Variants in COL1A2 observed in about 807,000 individuals in gnomAD.
The protein encoded by COL1A2 is collagen type I alpha 2 chain, also known as collagen alpha-2(I) chain.
In COL1A2, 49 loss-of-function variants were observed where a neutral mutation model predicts 174.3. The observed-to-expected ratio is 0.28, with a 90% CI of 0.22 to 0.36. The LOEUF (loss-of-function observed/expected upper bound fraction) is 0.36. COL1A2 is among the 10% of genes least tolerant of loss of function. COL1A2 has a pLI of 1.00. For synonymous variants in COL1A2, 655 were observed against 606.6 expected, an observed-to-expected ratio of 1.08 and a Z score of -1.17; for missense variants, 1,438 against 1,822.7, an observed-to-expected ratio of 0.79 and a Z score of 3.84.
rs544318460 is a variant in COL1A2, at chr7:94,421,705, G to A, written c.2350-194G>A. On this transcript the variant is annotated intron_variant, in intron 38 of 51. Transcript: ENST00000297268. ...GGGCATTGCAACTGGTAATATGCTGGTAAGGAAGATGTGTGGAGAAGGAGG... is the reference window on the plus strand; with the variant it reads ...GGGCATTGCAACTGGTAATATGCTGATAAGGAAGATGTGTGGAGAAGGAGG... 9.5e-5 allele frequency among the ~76,000 whole-genome samples: 14 copies of A among 147,464 alleles called. 2 individuals carry two copies. The highest frequency in any genetic ancestry group is 3.2e-4 in the African/African-American group (13 of 41,232).
At position 94,405,732 on chromosome 7, in the gene COL1A2, C is replaced by A; in HGVS notation, c.540+6C>A. The A allele has an allele frequency of 6.2e-7, 1 of 1,611,118 alleles. No individual in the cohort carries two copies. The highest frequency in any genetic ancestry group is 8.5e-7 in the Non-Finnish European group (1 of 1,177,328). The stretch of plus-strand genomic sequence containing the variant: ...CTGGCTTCAAAGGCATTAGGGTGAG[C>A]ACATTCTTTACTCAGAAGAGAGAAA... On this transcript the variant is annotated splice_donor_region_variant and intron_variant, in intron 11 of 51. Transcript: ENST00000297268.
intron 29 of COL1A2, 137 bp downstream of exon 29, chr7:94,414,412 C>A: frequency 1.2e-6 from 1 of 821,962 alleles, no homozygotes; most frequent in Admixed American, 2.1e-5. Context: ...GTTTTACATA[C>A]TTTGGTGCTG....
Position 94,416,480 on chromosome 7 carries a change from C to G in COL1A2, c.1840C>G (p.Pro614Ala). Reference sequence around the variant, plus strand: ...TATTGGAAGCCGAGGTCCTTCTGGACCCCCAGGGCCTGATGGAAACAAGGT... The same window carrying G: ...TATTGGAAGCCGAGGTCCTTCTGGAGCCCCAGGGCCTGATGGAAACAAGGT... ...GPIGSRGPSGPPGPDGNKGEP... is the reference protein window; with the variant it reads ...GPIGSRGPSGAPGPDGNKGEP... The change falls in exon 31 of 52, where the codon CCC (proline) becomes GCC (alanine). Residue 614 changes from proline to alanine, a missense_variant. Coordinates refer to ENST00000297268, the MANE Select transcript of COL1A2 (RefSeq NM_000089.4). The G allele has an allele frequency of 6.3e-7, 1 of 1,576,734 alleles. No homozygotes were observed. Among genetic ancestry groups the G allele is most frequent in the African/African-American group, 1.3e-5 (1 of 74,206 alleles).
intron 39 of COL1A2, 60 bp downstream of exon 39, chr7:94,422,012 T>C: frequency 1.4e-6 from 2 of 1,445,280 alleles, no homozygotes; most frequent in Non-Finnish European, 1.9e-6. Context: ...TGGCTTCTGA[T>C]AGGAAACTGG....
intron 50 of COL1A2, among the ~76,000 whole-genome samples, 158 bp from the exon 51 acceptor site, chr7:94,429,030 A>G (rs897956890): frequency 5.9e-5 from 9 of 152,008 alleles, no homozygotes; most frequent in African/African-American, 2.2e-4. Flanking sequence ...TTCAAAGACA[A>G]GTGAATTAAG....
intron 1 of COL1A2, among the ~76,000 whole-genome samples, chr7:94,397,315 C>T (rs1056332796): frequency 6.6e-6 from 1 of 152,064 alleles, no homozygotes; most frequent in African/African-American, 2.4e-5. Context: ...AGGTAACATA[C>T]TTTCCTAAAT....
At chr7:94,422,903 T>C (rs1009699742) in intron 39 of COL1A2, 54 bp from the exon 40 acceptor site, 103 of 1,605,606 alleles carry the variant, frequency 6.4e-5, no homozygotes, top group Non-Finnish European at 8.6e-5. Flanking sequence ...GCTGCTCTCT[T>C]CCAGGCCCTT....
chr7:94,421,771 GC>G, intron 38 of COL1A2, 127 bp from the exon 39 acceptor site: 2 of 672,442 alleles, frequency 3.0e-6, no homozygotes, highest in Non-Finnish European at 5.3e-6. Context: ...ATATGAAGCT[GC>G]CTACCTCCTA....
chr7:94,410,794 C>G, intron 21 of COL1A2, 95 bp from the exon 22 acceptor site: 5 of 1,359,958 alleles, frequency 3.7e-6, no homozygotes, highest in Non-Finnish European at 5.2e-6. Context: ...GTCTGTATCT[C>G]CCCTGTAAGG....
chr7:94,427,591 T>C lies in COL1A2; in HGVS notation c.3268-36T>C, dbSNP rs1268492763. 3 of 1,613,180 alleles carry C rather than the reference T, an allele frequency of 1.9e-6. No homozygotes were observed. The Admixed American group carries it at 5.0e-5, about 27-fold the overall frequency. ...ATGGATGTCTCTCACTGTAACAAAA[T>C]ATAAAGCCTCTCCTATCTCACTTTC... On this transcript the variant is annotated intron_variant, in intron 48 of 51. Transcript: ENST00000297268.
Position 94,408,466 on chromosome 7 carries a change from T to A in COL1A2, c.738+86T>A, listed in dbSNP as rs2293739. 0.098 allele frequency: 141,367 copies of A among 1,435,218 alleles called. 7,697 individuals carry two copies. Among genetic ancestry groups the A allele is most frequent in the Middle Eastern group, 0.14 (752 of 5,446 alleles). The allele number at this position is 1,435,218 out of a possible 1,614,324, so 88.9% of individuals were successfully genotyped here. On this transcript the variant is annotated intron_variant, in intron 15 of 51. Coordinates refer to ENST00000297268, the MANE Select transcript of COL1A2 (RefSeq NM_000089.4). ...TTCATTAATCTCTTACGAAATAGCA[T>A]CATTTCAGACACTTTACCAAATGTT...
In COL1A2 at chr7:94,415,903, T is replaced by A. The variant is rs556696730; in HGVS notation, c.1765-502T>A. 1.2e-4 allele frequency among the ~76,000 whole-genome samples: 18 copies of A among 151,330 alleles called. No homozygotes were observed. In the East Asian group the frequency reaches 3.1e-3, roughly 26 times the overall value. On this transcript the variant is annotated intron_variant, in intron 30 of 51. Coordinates refer to ENST00000297268, the MANE Select transcript of COL1A2 (RefSeq NM_000089.4). ...TGGGAGATATTTAGATAGACAGACA[T>A]ATATATATATACACAAATACATATA...
Position 94,400,243 on chromosome 7 carries a change from C to CCCTCCTGGT in COL1A2, c.183_191dup (p.Pro70_Gly72dup). On this transcript the variant is annotated inframe_insertion, in exon 5 of 52. Coordinates refer to ENST00000297268, the MANE Select transcript of COL1A2 (RefSeq NM_000089.4). ...GAGATGGTGAAGATGGTCCCACAGG[C>CCCTCCTGGT]CCTCCTGGTCCACCTGGTCCTCCTG... 6.2e-7 allele frequency: 1 copy of CCCTCCTGGT among 1,612,442 alleles called. No individual in the cohort carries two copies. Among genetic ancestry groups the CCCTCCTGGT allele is most frequent in the Non-Finnish European group, 8.5e-7 (1 of 1,179,866 alleles).
intron 1 of COL1A2, among the ~76,000 whole-genome samples, chr7:94,396,314 T>TTGTGTGTGTGTGTG (rs60833112): frequency 3.3e-5 from 5 of 149,632 alleles, no homozygotes; most frequent in South Asian, 2.1e-4. Flanking sequence ...ATTTGTGTGC[T>TTGTGTGTGTGTGTG]TGTGTGTGTG....
intron 5 of COL1A2, among the ~76,000 whole-genome samples, chr7:94,400,974 C>T (rs1791677513): frequency 6.6e-6 from 1 of 152,146 alleles, no homozygotes; most frequent in African/African-American, 2.4e-5. Flanking sequence ...AAAGCAGCTT[C>T]TTTAATAGAG....
rs774114240 is a variant in COL1A2, at chr7:94,407,887, A to C, written c.635A>C (p.Gln212Pro). 3 of 1,613,042 alleles carry C rather than the reference A, an allele frequency of 1.9e-6. No individual in the cohort carries two copies. In the East Asian group the frequency reaches 6.7e-5, roughly 36 times the overall value. The stretch of plus-strand genomic sequence containing the variant: ...CCTGGTGAAAATGGAACTCCAGGTC[A>C]AACAGTAAGTATTGACTACTTCATT... ...GAPGENGTPGQTGARGLPGER... is the reference protein window; with the variant it reads ...GAPGENGTPGPTGARGLPGER... The change falls in exon 13 of 52, where the codon CAA becomes CCA. Residue 212 changes from glutamine to proline, a missense_variant. Physicochemically the swap from Gln to Pro is moderately conservative, Grantham distance 76. Coordinates refer to ENST00000297268, the MANE Select transcript of COL1A2 (RefSeq NM_000089.4).
rs376341785 is a variant in COL1A2 at position 94,408,343 on chromosome 7, G to T, written c.701G>T (p.Arg234Leu). The T allele has an allele frequency of 1.9e-6, 3 of 1,614,068 alleles. No individual in the cohort carries two copies. Among genetic ancestry groups the T allele is most frequent in the East Asian group, 4.5e-5 (2 of 44,866 alleles). Residue 234 changes from arginine to leucine, a missense_variant, in exon 15 of 52, where the codon CGT (arginine) becomes CTT (leucine). Arg to Leu is a moderately radical substitution (Grantham distance 102). This residue lies in a region of COL1A2 where 281 missense variants were observed against 310.9 expected (regional missense o/e 0.90). Transcript: ENST00000297268. ...RVGAPGPAGA[R>L]GSDGSVGPVG... Reference sequence around the variant, plus strand: ...CCTTTATTTTCTTCTTAGGGTGCCCGTGGCAGTGATGGAAGTGTGGGTCCC... The same window carrying T: ...CCTTTATTTTCTTCTTAGGGTGCCCTTGGCAGTGATGGAAGTGTGGGTCCC...
At chr7:94,405,402 A>G (rs1791775523) in intron 10 of COL1A2, 150 bp downstream of exon 10, 2 of 803,784 alleles carry the variant, frequency 2.5e-6, no homozygotes, top group Admixed American at 2.7e-5. Flanking sequence ...GCCTAGTTAA[A>G]AAAAAATGCA....
intron 23 of COL1A2, among the ~76,000 whole-genome samples, chr7:94,411,528 T>G (rs1791923903): frequency 6.6e-6 from 1 of 152,186 alleles, no homozygotes. Flanking sequence ...ATAAGTGAAG[T>G]CTTTTTCCTA....
Sources: gnomAD v4.1 joint callset for allele counts (sites outside exome capture counted in the v4.1 genomes callset) on GRCh38, gnomAD v4.1.1 for gene constraint, gnomAD v4.1.1 regional missense constraint, MANE v1.5 for transcripts, NCBI Gene and HGNC (gene_info 2026-07-23, HGNC 2026-07-21) for gene names.